GRAMD4: variants seen among roughly 807,000 people sequenced by gnomAD.
GRAMD4 encodes the protein GRAM domain containing 4.
Under a neutral mutation model 83.9 loss-of-function variants are expected in GRAMD4, and 25 were observed. That is an observed-to-expected ratio of 0.30 (90% confidence interval 0.22 to 0.42). GRAMD4 has a LOEUF of 0.42. Among genes scored for constraint, GRAMD4 ranks in the 10% least tolerant of loss-of-function variants. The pLI is 1.00. For missense variants in GRAMD4, 593 were observed against 788.7 expected (o/e 0.75, Z 2.97); for synonymous variants, 336 against 320.9 (o/e 1.05, Z -0.50).
chr22:46,622,544 G>T lies in GRAMD4; in HGVS notation c.-50+1979G>T, dbSNP rs2081590434. On this transcript the variant is annotated intron_variant, in intron 1 of 18. Coordinates refer to ENST00000406902, the MANE Select transcript of GRAMD4 (RefSeq NM_015124.5). The surrounding 1 kb of genome is among the most constrained non-coding windows in gnomAD (Gnocchi z 4.0). ...TTCCTATTCAGTGAGCAGAGTTTCAGTTAGACAAGACGAGTCCGGAGGCAG... is the reference window on the plus strand; with the variant it reads ...TTCCTATTCAGTGAGCAGAGTTTCATTTAGACAAGACGAGTCCGGAGGCAG... Among the ~76,000 whole-genome samples, 2 of 152,180 alleles carry T rather than the reference G, an allele frequency of 1.3e-5. No homozygotes were observed. Among genetic ancestry groups the T allele is most frequent in the African/African-American group, 4.8e-5 (2 of 41,440 alleles).
intron 2 of GRAMD4, among the ~76,000 whole-genome samples, chr22:46,635,058 A>T (rs1015934516): frequency 2.1e-5 from 3 of 143,046 alleles, no homozygotes; most frequent in Non-Finnish European, 4.7e-5. Flanking sequence ...TGTGGTTGGT[A>T]CCACCCCTGG....
At chr22:46,626,629 G>T (rs2081664384) in intron 1 of GRAMD4, 122 bp from the exon 2 acceptor site, 1 of 596,012 alleles carries the variant, frequency 1.7e-6, no homozygotes, top group Non-Finnish European at 2.9e-6. Context: ...ACGGTGGCAG[G>T]GCGGGGTCTC....
chr22:46,619,467 C>T (rs2081544524), upstream of GRAMD4, among the ~76,000 whole-genome samples: 1 of 152,176 alleles, frequency 6.6e-6, no homozygotes, highest in Non-Finnish European at 1.5e-5. Flanking sequence ...ACCTTCTGAG[C>T]AACTGGGACT....
At chr22:46,657,758 C>T (rs535259786) in intron 3 of GRAMD4, among the ~76,000 whole-genome samples, 4 of 152,316 alleles carry the variant, frequency 2.6e-5, no homozygotes, top group African/African-American at 9.6e-5. Flanking sequence ...CTGCTGCCGA[C>T]GCGTCCCAGA....
intron 1 of GRAMD4, among the ~76,000 whole-genome samples, chr22:46,613,187 G>C (rs943283008): frequency 6.6e-6 from 1 of 152,240 alleles, no homozygotes; most frequent in Non-Finnish European, 1.5e-5. Flanking sequence ...TGCTGGCTGG[G>C]CAGGTTGCTG....
At chr22:46,653,094 G>A (rs1190314931) in intron 3 of GRAMD4, among the ~76,000 whole-genome samples, 2 of 152,218 alleles carry the variant, frequency 1.3e-5, no homozygotes, top group Admixed American at 6.5e-5. Flanking sequence ...AGCTGGTTTC[G>A]TTTACTTAGC....
chr22:46,655,736 C>T (rs1301455214), intron 3 of GRAMD4, among the ~76,000 whole-genome samples: 4 of 152,202 alleles, frequency 2.6e-5, no homozygotes, highest in Non-Finnish European at 5.9e-5. Context: ...CTGGACCCTG[C>T]CCCTAATTCT....
At chr22:46,596,245 C>T (rs941443292) in intron 1 of GRAMD4, among the ~76,000 whole-genome samples, 3 of 152,194 alleles carry the variant, frequency 2.0e-5, no homozygotes, top group Admixed American at 6.5e-5. Flanking sequence ...CTCGTGCCAT[C>T]GGGGCTGGAG....
chr22:46,590,121 G>T (rs1449249304), intron 1 of GRAMD4, among the ~76,000 whole-genome samples: 1 of 152,244 alleles, frequency 6.6e-6, no homozygotes, highest in Non-Finnish European at 1.5e-5. Context: ...AGTCAGGAGA[G>T]CCTTGGCCTG....
At chr22:46,610,954 C>G (rs2147090155) in intron 1 of GRAMD4, among the ~76,000 whole-genome samples, 1 of 152,276 alleles carries the variant, frequency 6.6e-6, no homozygotes, top group South Asian at 2.1e-4. Flanking sequence ...GTGGCTCATG[C>G]CTGTAATCCC....
intron 3 of GRAMD4, among the ~76,000 whole-genome samples, chr22:46,648,831 G>A (rs1044572809): frequency 7.5e-6 from 1 of 133,680 alleles, no homozygotes; most frequent in Non-Finnish European, 1.6e-5. Context: ...TGGATGGATG[G>A]ATGGATGGAT....
At chr22:46,583,887 C>T (rs916354892) in intron 1 of GRAMD4, among the ~76,000 whole-genome samples, 18 of 152,174 alleles carry the variant, frequency 1.2e-4, no homozygotes, top group African/African-American at 4.3e-4. Flanking sequence ...CACTTAAGGG[C>T]TGGGGAGTCA....
chr22:46,577,335 C>T (rs1421242743), intron 1 of GRAMD4: 4 of 976,796 alleles, frequency 4.1e-6, no homozygotes, highest in Non-Finnish European at 4.9e-6. Flanking sequence ...CCTGGTTGCC[C>T]CGCGACCACT....
At chr22:46,613,267 C>T (rs1569260057) in intron 1 of GRAMD4, among the ~76,000 whole-genome samples, 1 of 152,246 alleles carries the variant, frequency 6.6e-6, no homozygotes, top group Non-Finnish European at 1.5e-5. Flanking sequence ...GGTCACACAG[C>T]TGTGGCCAGC....
At chr22:46,650,063 TC>T (rs1196265275) in intron 3 of GRAMD4, among the ~76,000 whole-genome samples, 1 of 152,178 alleles carries the variant, frequency 6.6e-6, no homozygotes, top group African/African-American at 2.4e-5. Flanking sequence ...TGTGCGGGCC[TC>T]CGGGGATGCG....
At chr22:46,656,540 A>G (rs1433171103) in intron 3 of GRAMD4, among the ~76,000 whole-genome samples, 1 of 152,160 alleles carries the variant, frequency 6.6e-6, no homozygotes, top group Non-Finnish European at 1.5e-5. Context: ...AGTCTTAGGT[A>G]TGGCCCTGTG....
chr22:46,616,426 G>T (rs1422454454), upstream of GRAMD4, among the ~76,000 whole-genome samples: 1 of 108,426 alleles, frequency 9.2e-6, no homozygotes, highest in African/African-American at 3.8e-5. Flanking sequence ...AGGTTCCCCC[G>T]TGAGTAGGTT....
intron 15 of GRAMD4, 84 bp from the exon 16 acceptor site, chr22:46,674,573 G>T: frequency 1.1e-6 from 1 of 949,718 alleles, no homozygotes; most frequent in South Asian, 1.3e-5. Context: ...CAGGATCTGA[G>T]AGTCAGGCTC....
chr22:46,605,390 T>TA (rs1159605228), intron 1 of GRAMD4, among the ~76,000 whole-genome samples: 1 of 152,270 alleles, frequency 6.6e-6, no homozygotes, highest in Non-Finnish European at 1.5e-5. Flanking sequence ...TTTTGGCTCT[T>TA]ACGAAAAATG....
Sources: allele counts gnomAD v4.1 joint callset (sites outside exome capture counted in the v4.1 genomes callset), GRCh38; gene constraint gnomAD v4.1.1; non-coding constraint Gnocchi (gnomAD v3.1); transcripts MANE v1.5; gene names NCBI Gene and HGNC (gene_info 2026-07-23, HGNC 2026-07-21).